Variants in CERT1 observed in about 807,000 individuals in gnomAD.
CERT1 encodes the protein ceramide transfer protein.
Under a neutral mutation model 87.9 loss-of-function variants are expected in CERT1, and 31 were observed. That is an observed-to-expected ratio of 0.35 (90% CI 0.27 to 0.48). The LOEUF (loss-of-function observed/expected upper bound fraction) is 0.48, where lower values mean the gene tolerates loss of function less well. CERT1 is among the 20% of genes least tolerant of loss of function. CERT1 has a pLI of 0.99. For missense variants in CERT1, 487 were observed against 758.0 expected, an observed-to-expected ratio of 0.64 and a Z score of 4.20; for synonymous variants, 289 against 250.9, an observed-to-expected ratio of 1.15 and a Z score of -1.44.
At chr5:75,488,196 A>C (rs763602863) in intron 2 of CERT1, among the ~76,000 whole-genome samples, 1 of 152,076 alleles carries the variant, frequency 6.6e-6, no homozygotes, top group African/African-American at 2.4e-5. Context: ...AAAATAGCTA[A>C]AAATAGAATG....
chr5:75,506,170 T>C, intron 1 of CERT1, 54 bp from the exon 2 acceptor site: 1 of 1,561,036 alleles, frequency 6.4e-7, no homozygotes, highest in Non-Finnish European at 8.7e-7. Flanking sequence ...TAGAAGTATT[T>C]TAGAAATCCA....
chr5:75,446,892 C>T (rs1168944597), intron 3 of CERT1, among the ~76,000 whole-genome samples: 1 of 152,182 alleles, frequency 6.6e-6, no homozygotes, highest in Non-Finnish European at 1.5e-5. Flanking sequence ...GGCATTGGCC[C>T]TTCAAGTCTC....
chr5:75,500,983 CTGTTTTTTT>C (rs566194253), intron 2 of CERT1, among the ~76,000 whole-genome samples: 1 of 149,160 alleles, frequency 6.7e-6, no homozygotes, highest in South Asian at 2.1e-4. Context: ...TCTCCATTGT[CTGTTTTTTT>C]TGTTTTTTTT....
intron 10 of CERT1, 97 bp downstream of exon 10, chr5:75,400,108 G>T: frequency 1.1e-6 from 1 of 896,260 alleles, no homozygotes; most frequent in Non-Finnish European, 1.8e-6. Context: ...CTCCACTCTG[G>T]TGACAGAGTG....
intron 2 of CERT1, among the ~76,000 whole-genome samples, chr5:75,480,900 C>T (rs1206737482): frequency 6.6e-6 from 1 of 152,168 alleles, no homozygotes; most frequent in Non-Finnish European, 1.5e-5. Flanking sequence ...CAGCCACCAG[C>T]ATCTCTCATC....
chr5:75,398,987 A>G (rs1762365773), intron 11 of CERT1, among the ~76,000 whole-genome samples: 1 of 152,232 alleles, frequency 6.6e-6, no homozygotes, highest in African/African-American at 2.4e-5. Context: ...ACGTCCATCA[A>G]AACTGCTAAA....
Position 75,425,087 on chromosome 5 carries a change from C to T in CERT1, c.595+274G>A, listed in dbSNP as rs561362248. Among the ~76,000 whole-genome samples, 5 of 152,198 alleles carry T rather than the reference C, an allele frequency of 3.3e-5. No homozygotes were observed. In the South Asian group the frequency reaches 1.0e-3, roughly 32 times the overall value. On this transcript the variant is annotated intron_variant, in intron 5 of 16. Transcript: ENST00000643780. ...GAGCTATGATCGCGCCACTGCACTC[C>T]AGCCTGGGCGATAGAATGAAACCAT...
chr5:75,420,343 G>A (rs1416470442), intron 5 of CERT1, among the ~76,000 whole-genome samples: 3 of 147,140 alleles, frequency 2.0e-5, no homozygotes, highest in East Asian at 2.1e-4. Context: ...ATATGATATC[G>A]ACTGTTTTTT....
chr5:75,485,898 G>C (rs78020874), intron 2 of CERT1, among the ~76,000 whole-genome samples: 7 of 152,084 alleles, frequency 4.6e-5, no homozygotes, highest in Non-Finnish European at 7.4e-5. Flanking sequence ...CTGAGACCCA[G>C]TGGCTTCACT....
intron 11 of CERT1, among the ~76,000 whole-genome samples, chr5:75,396,194 T>C (rs902350289): frequency 1.3e-5 from 2 of 152,212 alleles, no homozygotes; most frequent in African/African-American, 4.8e-5. Context: ...GGCTTCTGTA[T>C]GGGAGCTGAT....
intron 3 of CERT1, among the ~76,000 whole-genome samples, chr5:75,429,843 G>GAAAAAAAAAAA (rs112893256): frequency 8.7e-6 from 1 of 115,508 alleles, no homozygotes; most frequent in Non-Finnish European, 1.9e-5. Context: ...AAGAAAAAAT[G>GAAAAAAAAAAA]AAAAAAAAAA....
intron 1 of CERT1, among the ~76,000 whole-genome samples, chr5:75,510,279 C>A (rs5744533): frequency 2.0e-5 from 3 of 151,786 alleles, no homozygotes; most frequent in African/African-American, 7.3e-5. Flanking sequence ...AATCTTCTTA[C>A]AGCAAAAACT....
chr5:75,407,470 A>C (rs557232334), intron 8 of CERT1, among the ~76,000 whole-genome samples: 93 of 150,694 alleles, frequency 6.2e-4, no homozygotes, highest in African/African-American at 2.2e-3. Flanking sequence ...AAGGAAAAAA[A>C]TTAAAAAAAA....
At chr5:75,373,684 G>A (rs1378898367), downstream of CERT1, 1 of 160,080 alleles carries the variant, frequency 6.2e-6, no homozygotes, top group Non-Finnish European at 1.4e-5. Context: ...AAGCAAAAAA[G>A]TCAAAAAATT....
chr5:75,398,528 CATAAT>C (rs1762345781), intron 11 of CERT1, among the ~76,000 whole-genome samples: 1 of 152,026 alleles, frequency 6.6e-6, no homozygotes, highest in Non-Finnish European at 1.5e-5. Context: ...ATAAGATTAA[CATAAT>C]ATAATCTAGT....
intron 16 of CERT1, 62 bp from the exon 17 acceptor site, chr5:75,379,535 C>T: frequency 2.1e-6 from 3 of 1,438,398 alleles, no homozygotes; most frequent in Non-Finnish European, 2.9e-6. Context: ...ATGTGAAGCA[C>T]TTAATTTGTT....
chr5:75,484,681 T>C (rs1766424785), intron 2 of CERT1, among the ~76,000 whole-genome samples: 2 of 152,016 alleles, frequency 1.3e-5, no homozygotes, highest in African/African-American at 4.8e-5. Context: ...TTCAGAAGGA[T>C]ATAATAATAG....
chr5:75,423,738 T>C (rs187783366), intron 5 of CERT1, among the ~76,000 whole-genome samples: 5 of 152,304 alleles, frequency 3.3e-5, no homozygotes, highest in Admixed American at 3.3e-4. Flanking sequence ...ACACATAAAG[T>C]GGTATATTAC....
downstream of CERT1, chr5:75,376,957 A>C (rs1761341306): frequency 6.6e-6 from 1 of 152,210 alleles, no homozygotes; most frequent in Admixed American, 6.5e-5. Flanking sequence ...GCTAAAGAAA[A>C]GGACTCAAGA....
Sources: gnomAD v4.1 joint callset for allele counts (sites outside exome capture counted in the v4.1 genomes callset) on GRCh38, gnomAD v4.1.1 for gene constraint, MANE v1.5 for transcripts, NCBI Gene and HGNC (gene_info 2026-07-23, HGNC 2026-07-21) for gene names.